The following COPG2 variants were observed in gnomAD, a reference collection of about 807,000 sequenced individuals.
COPG2 encodes the protein coatomer subunit gamma-2.
A neutral mutation model predicts 46.3 loss-of-function variants in COPG2; 37 were observed. The ratio of observed to expected loss-of-function variants is 0.80; its 90% CI spans 0.61 to 1.05. The LOEUF (loss-of-function observed/expected upper bound fraction) is 1.05. COPG2 is among the 50% of genes least tolerant of loss of function. The pLI is 0.00. For missense variants in COPG2, 427 were observed against 387.8 expected (o/e 1.10, Z -0.85); for synonymous variants, 159 against 129.7 (o/e 1.23, Z -1.53).
At chr7:130,550,145 TC>T (rs1793513070) in intron 17 of COPG2, among the ~76,000 whole-genome samples, 1 of 152,032 alleles carries the variant, frequency 6.6e-6, no homozygotes, top group South Asian at 2.1e-4. Flanking sequence ...GCACGGTGGC[TC>T]CCGCCTGTAA....
chr7:130,530,601 T>C lies in COPG2; in HGVS notation c.2149+17073A>G, dbSNP rs1164828414. 4.6e-5 allele frequency among the ~76,000 whole-genome samples: 7 copies of C among 152,180 alleles called. No individual in the cohort carries two copies. In the East Asian group the frequency reaches 1.2e-3, roughly 25 times the overall value. On this transcript the variant is annotated intron_variant, in intron 20 of 23. Coordinates refer to ENST00000425248, the MANE Select transcript of COPG2 (RefSeq NM_012133.6). ...GAGATGACTGAGCCCGATGAAGCAATAGGCCCTGGGTGGTTGAGAGAAATA... is the reference window on the plus strand; with the variant it reads ...GAGATGACTGAGCCCGATGAAGCAACAGGCCCTGGGTGGTTGAGAGAAATA...
At chr7:130,616,541 G>T (rs1794952389) in intron 6 of COPG2, among the ~76,000 whole-genome samples, 1 of 152,128 alleles carries the variant, frequency 6.6e-6, no homozygotes, top group South Asian at 2.1e-4. Context: ...AGTGAGCCAA[G>T]ATCGTGCCAC....
At chr7:130,614,836 AT>A (rs1794919627) in intron 6 of COPG2, among the ~76,000 whole-genome samples, 1 of 152,198 alleles carries the variant, frequency 6.6e-6, no homozygotes, top group South Asian at 2.1e-4. Flanking sequence ...CTGGAAATTT[AT>A]TCCTTTAAAA....
chr7:130,594,387 A>G (rs1740697100), intron 9 of COPG2, among the ~76,000 whole-genome samples: 1 of 152,220 alleles, frequency 6.6e-6, no homozygotes, highest in South Asian at 2.1e-4. Flanking sequence ...ACCCAAATGT[A>G]AAATGTAAAA....
At chr7:130,661,335 G>A (rs1795973502) in intron 4 of COPG2, among the ~76,000 whole-genome samples, 1 of 151,122 alleles carries the variant, frequency 6.6e-6, no homozygotes, top group African/African-American at 2.4e-5. Flanking sequence ...GAAGACACCT[G>A]GCTGCAAAAA....
At chr7:130,569,957 C>T (rs961239194) in intron 9 of COPG2, among the ~76,000 whole-genome samples, 12 of 152,134 alleles carry the variant, frequency 7.9e-5, no homozygotes, top group African/African-American at 2.9e-4. Flanking sequence ...ACAAAAATCA[C>T]TTCATCATTT....
At chr7:130,509,842 CA>C in intron 20 of COPG2, 1 of 500,788 alleles carries the variant, frequency 2.0e-6, no homozygotes, top group Non-Finnish European at 4.0e-6. Flanking sequence ...GCGGGATTAA[CA>C]AATAGCCTGG....
At chr7:130,645,393 C>T in intron 5 of COPG2, 1 of 531,424 alleles carries the variant, frequency 1.9e-6, no homozygotes, top group Non-Finnish European at 3.8e-6. Flanking sequence ...GGACCGACTC[C>T]ATGGGCTCCA....
In COPG2 at chr7:130,552,354, C is replaced by T. The variant is rs1316849965; in HGVS notation, c.1544+1G>A. 1 of 398,094 alleles carries T rather than the reference C, an allele frequency of 2.5e-6. No homozygotes were observed. The highest frequency in any genetic ancestry group is 4.4e-6 in the Non-Finnish European group (1 of 225,856). 24.7% of individuals were successfully genotyped at this position (398,094 alleles called of 1,614,324 possible). ...TTTAGAAAAGACATTATTTAACTTA[C>T]CTCTGTAAGAGTACAAGGATGCTTG... On this transcript the variant is annotated splice_donor_variant, in intron 15 of 23. Coordinates refer to ENST00000425248, the MANE Select transcript of COPG2 (RefSeq NM_012133.6). LOFTEE classifies it high-confidence loss of function.
intron 20 of COPG2, among the ~76,000 whole-genome samples, chr7:130,537,090 A>G (rs1043239716): frequency 3.0e-4 from 45 of 152,140 alleles, no homozygotes; most frequent in African/African-American, 9.2e-4. Context: ...GTGCATTCGT[A>G]CCGGGGGGAC....
At chr7:130,564,565 A>C (rs1158498266) in intron 9 of COPG2, 172 bp from the exon 10 acceptor site, 1 of 393,856 alleles carries the variant, frequency 2.5e-6, no homozygotes, top group Non-Finnish European at 4.5e-6. Context: ...TGTCAAAATC[A>C]ACTTTTGCAG....
intron 22 of COPG2, 130 bp downstream of exon 22, chr7:130,507,555 G>C: frequency 1.5e-6 from 1 of 656,984 alleles, no homozygotes; most frequent in Non-Finnish European, 2.7e-6. Context: ...TGAAGACAGG[G>C]TGCTGGCCTT....
chr7:130,602,204 T>C (rs1554450441), intron 9 of COPG2, among the ~76,000 whole-genome samples: 1 of 152,210 alleles, frequency 6.6e-6, no homozygotes, highest in African/African-American at 2.4e-5. Flanking sequence ...TTACACTTAC[T>C]TCTAACCGAT....
chr7:130,643,696 G>A (rs149139793), intron 5 of COPG2, among the ~76,000 whole-genome samples: 84 of 152,264 alleles, frequency 5.5e-4, no homozygotes, highest in African/African-American at 1.9e-3. Flanking sequence ...CGTGGTTTAC[G>A]CCTGTGATCC....
intron 9 of COPG2, among the ~76,000 whole-genome samples, chr7:130,588,559 C>A (rs953486645): frequency 3.3e-5 from 5 of 152,190 alleles, no homozygotes; most frequent in African/African-American, 1.2e-4. Flanking sequence ...AAAAACCAAA[C>A]ACCGCATGTT....
chr7:130,663,043 G>T lies in COPG2; in HGVS notation c.172-5C>A. ...CGTTGTTCCAAAGTGTTCACCCTAA[G>T]TAAAATTTAAAACAATTTTTAAATT... On this transcript the variant is annotated splice_polypyrimidine_tract_variant and splice_region_variant and intron_variant, in intron 3 of 23. Transcript: ENST00000425248. 1 of 1,500,326 alleles carries T rather than the reference G, an allele frequency of 6.7e-7. No homozygotes were observed. The highest frequency in any genetic ancestry group is 8.9e-7 in the Non-Finnish European group (1 of 1,123,730). 92.9% of individuals were successfully genotyped at this position (1,500,326 alleles called of 1,614,324 possible).
chr7:130,522,950 T>C (rs1269877742), intron 20 of COPG2, among the ~76,000 whole-genome samples: 8 of 151,104 alleles, frequency 5.3e-5, no homozygotes, highest in Admixed American at 5.3e-4. Flanking sequence ...AAACCCTGTC[T>C]CTACTTAAAA....
chr7:130,603,439 T>C (rs1211675572), intron 9 of COPG2, among the ~76,000 whole-genome samples: 1 of 151,946 alleles, frequency 6.6e-6, no homozygotes, highest in African/African-American at 2.4e-5. Context: ...TTTGTGGCAA[T>C]TTGGGCATGG....
At chr7:130,543,685 A>C (rs1759645740) in intron 20 of COPG2, among the ~76,000 whole-genome samples, 1 of 152,234 alleles carries the variant, frequency 6.6e-6, no homozygotes, top group Non-Finnish European at 1.5e-5. Context: ...CAGATGAACA[A>C]AGACTGGGCG....
Sources: gnomAD v4.1 joint callset for allele counts (sites outside exome capture counted in the v4.1 genomes callset) on GRCh38, gnomAD v4.1.1 for gene constraint, MANE v1.5 for transcripts, NCBI Gene and HGNC (gene_info 2026-07-23, HGNC 2026-07-21) for gene names.